Variants in ACTR3C observed in about 807,000 individuals in gnomAD.
ACTR3C encodes the protein actin related protein 3C.
Under a neutral mutation model 26.3 loss-of-function variants are expected in ACTR3C, and 18 were observed. The ratio of observed to expected loss-of-function variants is 0.68; its 90% confidence interval spans 0.47 to 1.01. ACTR3C has a LOEUF of 1.01. Ranked by LOEUF, ACTR3C falls within the 50% of genes least tolerant of loss-of-function variation. The pLI is 0.00. For synonymous variants in ACTR3C, 55 were observed against 94.5 expected (o/e 0.58, Z 2.42); for missense variants, 184 against 250.7 (o/e 0.73, Z 1.80).
chr7:149,946,467 G>A, the ACTR3C span, among the ~76,000 whole-genome samples: 1 of 152,096 alleles, frequency 6.6e-6, no homozygotes, highest in African/African-American at 2.4e-5. Context: ...AAAAAGCCAC[G>A]TCTCCACGGA....
At chr7:150,307,442 C>T (rs961375682) in intron 1 of ACTR3C, among the ~76,000 whole-genome samples, 2 of 152,184 alleles carry the variant, frequency 1.3e-5, no homozygotes, top group African/African-American at 2.4e-5. Context: ...ACTGATCAGT[C>T]GACCTTGTGA....
At chr7:149,904,982 T>C in the ACTR3C span, among the ~76,000 whole-genome samples, 65 of 151,800 alleles carry the variant, frequency 4.3e-4, 2 homozygotes, top group Non-Finnish European at 1.2e-4. Context: ...GCCGAGATCA[T>C]GCCATTGCAC....
chr7:149,989,740 T>C, the ACTR3C span, among the ~76,000 whole-genome samples: 1 of 152,182 alleles, frequency 6.6e-6, no homozygotes, highest in Non-Finnish European at 1.5e-5. Flanking sequence ...GCAGTGAGCA[T>C]GGGAGTGCAG....
chr7:150,188,989 A>G, the ACTR3C span, among the ~76,000 whole-genome samples: 1 of 150,468 alleles, frequency 6.6e-6, no homozygotes, highest in African/African-American at 2.5e-5. Context: ...TGTAATGCCC[A>G]CATGCTTTTT....
At chr7:150,220,475 G>A in the ACTR3C span, among the ~76,000 whole-genome samples, 9,634 of 143,166 alleles carry the variant, frequency 0.067, 34 homozygotes, top group African/African-American at 0.19. Context: ...TCTGTGCAGG[G>A]GCGGTAAAAT....
the ACTR3C span, among the ~76,000 whole-genome samples, chr7:149,957,175 A>G: frequency 6.6e-6 from 1 of 152,112 alleles, no homozygotes; most frequent in African/African-American, 2.4e-5. Flanking sequence ...TGGGGTAAAA[A>G]GTAGTCAAGA....
At chr7:149,991,550 C>T in the ACTR3C span, among the ~76,000 whole-genome samples, 1 of 152,124 alleles carries the variant, frequency 6.6e-6, no homozygotes, top group Admixed American at 6.5e-5. Flanking sequence ...TTGTTATCAG[C>T]ACACTTTTCA....
the ACTR3C span, among the ~76,000 whole-genome samples, chr7:149,985,207 AACACACACACACACACACACAC>A: frequency 9.9e-5 from 13 of 130,850 alleles, no homozygotes; most frequent in African/African-American, 2.6e-4. Flanking sequence ...CAAACAAAGC[AACACACACACACACACACACAC>A]ACACACACAC....
At chr7:150,110,835 T>A in the ACTR3C span, among the ~76,000 whole-genome samples, 1 of 29,868 alleles carries the variant, frequency 3.3e-5, no homozygotes, top group Non-Finnish European at 6.2e-5. Flanking sequence ...GGCAGGGGGG[T>A]GGGCTGTTGG....
At chr7:150,222,965 A>T in the ACTR3C span, among the ~76,000 whole-genome samples, 3 of 152,184 alleles carry the variant, frequency 2.0e-5, no homozygotes, top group Non-Finnish European at 4.4e-5. Flanking sequence ...CTCCTTTTTT[A>T]AAAAAATTGT....
At chr7:149,971,760 C>T in the ACTR3C span, among the ~76,000 whole-genome samples, 326 of 152,304 alleles carry the variant, frequency 2.1e-3, 1 homozygote, top group Non-Finnish European at 3.1e-3. Context: ...CTTTCGTGTG[C>T]CCTGATCTGG....
the ACTR3C span, among the ~76,000 whole-genome samples, chr7:150,035,031 G>C: frequency 4.2e-5 from 6 of 142,022 alleles, 1 homozygote; most frequent in Non-Finnish European, 9.3e-5. Context: ...GGGGAAGAGG[G>C]ACTGGCTCTC....
chr7:150,166,354 T>C, the ACTR3C span, among the ~76,000 whole-genome samples: 1 of 150,996 alleles, frequency 6.6e-6, no homozygotes, highest in African/African-American at 2.5e-5. Flanking sequence ...TTCTTTGTGT[T>C]GGGGATACTT....
chr7:150,280,833 C>T (rs1437888012), intron 6 of ACTR3C, among the ~76,000 whole-genome samples: 2 of 148,236 alleles, frequency 1.3e-5, no homozygotes, highest in African/African-American at 5.1e-5. Context: ...TATATATACA[C>T]ACACACACAA....
At chr7:149,997,877 G>A in the ACTR3C span, among the ~76,000 whole-genome samples, 1 of 149,702 alleles carries the variant, frequency 6.7e-6, no homozygotes, top group Admixed American at 6.7e-5. Context: ...TTAAAGTGTA[G>A]ACATTTTATG....
At chr7:149,930,792 A>ATTGTT in the ACTR3C span, among the ~76,000 whole-genome samples, 3 of 152,096 alleles carry the variant, frequency 2.0e-5, no homozygotes, top group Non-Finnish European at 4.4e-5. Flanking sequence ...AAATTTTTGT[A>ATTGTT]TTGTTTTGTT....
chr7:150,036,820 G>C, the ACTR3C span, among the ~76,000 whole-genome samples: 1 of 134,646 alleles, frequency 7.4e-6, no homozygotes, highest in Non-Finnish European at 1.7e-5. Context: ...TCCTCCAGGT[G>C]GGTCCTAAGG....
chr7:150,290,731 TGTAAA>T (rs572175013), intron 3 of ACTR3C, among the ~76,000 whole-genome samples: 26 of 152,352 alleles, frequency 1.7e-4, no homozygotes, highest in Non-Finnish European at 3.2e-4. Flanking sequence ...TCCAAGTATT[TGTAAA>T]GTATTTTAAG....
At chr7:149,889,813 T>A in the ACTR3C span, among the ~76,000 whole-genome samples, 1 of 152,166 alleles carries the variant, frequency 6.6e-6, no homozygotes, top group Non-Finnish European at 1.5e-5. Flanking sequence ...GCTAGGATTG[T>A]GCCACAGAAC....
Sources: gnomAD v4.1 joint callset for allele counts (sites outside exome capture counted in the v4.1 genomes callset) on GRCh38, gnomAD v4.1.1 for gene constraint, MANE v1.5 for transcripts, NCBI Gene and HGNC (gene_info 2026-07-23, HGNC 2026-07-21) for gene names.